RABGAP1L: variants seen among roughly 807,000 people sequenced by gnomAD.
The protein encoded by RABGAP1L is RAB GTPase activating protein 1 like.
Under a neutral mutation model 137.7 loss-of-function variants are expected in RABGAP1L, and 63 were observed. That is an observed-to-expected ratio of 0.46 (90% confidence interval 0.37 to 0.56). The LOEUF (loss-of-function observed/expected upper bound fraction) is 0.56. RABGAP1L is among the 20% of genes least tolerant of loss of function. RABGAP1L has a pLI of 0.00. For synonymous variants in RABGAP1L, 431 were observed against 433.7 expected (o/e 0.99, Z 0.08); for missense variants, 1,095 against 1,244.0 (o/e 0.88, Z 1.80).
chr1:174,645,796 A>G (rs1045210379), intron 14 of RABGAP1L, among the ~76,000 whole-genome samples: 1 of 151,594 alleles, frequency 6.6e-6, no homozygotes, highest in African/African-American at 2.4e-5. Context: ...ATCTTCCACA[A>G]TGGTTGAACT....
At chr1:174,308,903 T>G (rs1322554111) in intron 11 of RABGAP1L, among the ~76,000 whole-genome samples, 1 of 152,072 alleles carries the variant, frequency 6.6e-6, no homozygotes, top group Non-Finnish European at 1.5e-5. Context: ...TTTCTATTAC[T>G]GTGAAGAATG....
At position 174,937,626 on chromosome 1, in the gene RABGAP1L, A is replaced by ATATATATATATATG. The variant is rs1016236065; in HGVS notation, c.2341-19822_2341-19821insATATGTATATATAT. On this transcript the variant is annotated intron_variant, in intron 19 of 25. Coordinates refer to ENST00000681986, the MANE Select transcript of RABGAP1L (RefSeq NM_001366446.1). Reference sequence around the variant, plus strand: ...AATAGCAATACTTCATTAAATATATATATATATATCTTGCAGTTAGAAACT... The same window carrying ATATATATATATATG: ...AATAGCAATACTTCATTAAATATATATATATATATATATGTATATATATCTTGCAGTTAGAAACT... Among the ~76,000 whole-genome samples the ATATATATATATATG allele has an allele frequency of 3.7e-5, 5 of 134,960 alleles. 2 individuals are homozygous for ATATATATATATATG. Among genetic ancestry groups the ATATATATATATATG allele is most frequent in the African/African-American group, 1.6e-4 (5 of 31,678 alleles). The allele number at this position is 134,960 out of a possible 152,430, so 88.5% of individuals were successfully genotyped here. A position where few individuals can be genotyped will look rare whatever the true frequency, so the allele number is the denominator to read the frequency against.
Position 174,313,801 on chromosome 1 carries a change from C to T in RABGAP1L, c.1465+8674C>T, listed in dbSNP as rs905991494. ...GTTTTTTTCCTTCATTCTGTTGATA[C>T]GATGTATCACATTGATAGATTTGAA... On this transcript the variant is annotated intron_variant, in intron 11 of 25. Coordinates refer to ENST00000681986, the MANE Select transcript of RABGAP1L (RefSeq NM_001366446.1). Among the ~76,000 whole-genome samples the T allele has an allele frequency of 5.3e-5, 8 of 151,932 alleles. No homozygotes were observed. In the South Asian group the frequency reaches 1.0e-3, roughly 20 times the overall value.
chr1:174,636,730 C>G (rs532732630), intron 13 of RABGAP1L, among the ~76,000 whole-genome samples: 84 of 152,122 alleles, frequency 5.5e-4, no homozygotes, highest in African/African-American at 1.9e-3. Flanking sequence ...ACATACTCTA[C>G]TATTGTTTGG....
chr1:174,516,413 C>T (rs1662858112), intron 13 of RABGAP1L, among the ~76,000 whole-genome samples: 1 of 152,084 alleles, frequency 6.6e-6, no homozygotes, highest in African/African-American at 2.4e-5. Context: ...AGATGGGGGT[C>T]TTCCTATGTT....
chr1:174,662,261 G>A (rs1024993435), intron 14 of RABGAP1L, among the ~76,000 whole-genome samples: 6 of 151,690 alleles, frequency 4.0e-5, no homozygotes, highest in Admixed American at 6.6e-5. Context: ...GTACCACCAC[G>A]CCCAACTAAT....
chr1:174,920,365 C>T (rs1661593660), intron 19 of RABGAP1L, among the ~76,000 whole-genome samples: 1 of 152,140 alleles, frequency 6.6e-6, no homozygotes. Context: ...ATTTTTAAAA[C>T]CATTAGAACT....
At chr1:174,608,373 C>A (rs540587949) in intron 13 of RABGAP1L, among the ~76,000 whole-genome samples, 5 of 152,254 alleles carry the variant, frequency 3.3e-5, no homozygotes, top group African/African-American at 1.2e-4. Context: ...AGGAGCTTAT[C>A]TTTCAGTTAG....
intron 18 of RABGAP1L, among the ~76,000 whole-genome samples, chr1:174,755,353 G>A (rs1051689849): frequency 3.3e-5 from 5 of 152,190 alleles, no homozygotes; most frequent in African/African-American, 4.8e-5. Context: ...TTACTTATAT[G>A]AAACATTAGG....
intron 18 of RABGAP1L, chr1:174,800,356 A>T: frequency 6.4e-7 from 1 of 1,550,510 alleles, no homozygotes; most frequent in African/African-American, 1.4e-5. Context: ...TGCCCTGCCC[A>T]GCCCCAGCTG....
At chr1:174,732,194 TCCCC>T (rs570408358) in intron 17 of RABGAP1L, among the ~76,000 whole-genome samples, 2 of 102,856 alleles carry the variant, frequency 1.9e-5, no homozygotes, top group Admixed American at 9.2e-5. Flanking sequence ...TGAGACCCCA[TCCCC>T]CCCAAAAAAA....
In RABGAP1L at chr1:174,241,641, G is replaced by A; in HGVS notation, c.701G>A (p.Cys234Tyr). 6.2e-7 allele frequency: 1 copy of A among 1,612,366 alleles called. No homozygotes were observed. The highest frequency in any genetic ancestry group is 1.1e-5 in the South Asian group (1 of 90,718). The change falls in exon 5 of 26, where the codon TGT (cysteine) becomes TAT (tyrosine). Residue 234 changes from cysteine (C) to tyrosine (Y), a missense_variant. Cys to Tyr is a radical substitution (Grantham distance 194). Around this residue, in one of 4 missense-constraint regions of RABGAP1L, gnomAD observed 356 missense variants for 326.3 expected, o/e 1.09. Transcript: ENST00000681986. ...SEEFQIHVFSCEIKEAVSRIL... is the reference protein window; with the variant it reads ...SEEFQIHVFSYEIKEAVSRIL... ...GAATTTCAGATACATGTTTTCTCCT[G>A]TGAAATTAAAGAGGCAGTAAGTATA...
chr1:174,820,679 G>A (rs753353876), intron 19 of RABGAP1L, among the ~76,000 whole-genome samples: 23 of 152,114 alleles, frequency 1.5e-4, no homozygotes, highest in South Asian at 1.2e-3. Context: ...AAGATAAAAA[G>A]CATCTTTTTC....
At chr1:174,608,300 G>A (rs928382876) in intron 13 of RABGAP1L, among the ~76,000 whole-genome samples, 1 of 151,798 alleles carries the variant, frequency 6.6e-6, no homozygotes, top group African/African-American at 2.4e-5. Flanking sequence ...ACAAATATTT[G>A]TTCAGCCCCT....
At chr1:174,432,712 A>G (rs746767228) in intron 13 of RABGAP1L, among the ~76,000 whole-genome samples, 26 of 151,780 alleles carry the variant, frequency 1.7e-4, no homozygotes, top group Non-Finnish European at 1.5e-4. Context: ...TAATTTTTGT[A>G]TTTTCAGTAG....
intron 13 of RABGAP1L, among the ~76,000 whole-genome samples, chr1:174,581,058 A>T (rs1243321381): frequency 6.6e-6 from 1 of 152,170 alleles, no homozygotes; most frequent in Non-Finnish European, 1.5e-5. Flanking sequence ...TGGGACCCTT[A>T]TACACTGCTG....
At chr1:174,255,548 A>G (rs539422752) in intron 7 of RABGAP1L, among the ~76,000 whole-genome samples, 1 of 152,206 alleles carries the variant, frequency 6.6e-6, no homozygotes, top group East Asian at 1.9e-4. Context: ...TTTTTGAGAC[A>G]AAGTCTCGCT....
chr1:174,348,326 T>G (rs1052097971), intron 11 of RABGAP1L, among the ~76,000 whole-genome samples: 1 of 146,818 alleles, frequency 6.8e-6, no homozygotes, highest in Non-Finnish European at 1.5e-5. Flanking sequence ...TAGCAAAAAC[T>G]GTGATTACTT....
At chr1:174,829,468 C>G (rs1487504230) in intron 19 of RABGAP1L, among the ~76,000 whole-genome samples, 1 of 148,374 alleles carries the variant, frequency 6.7e-6, no homozygotes, top group Admixed American at 6.7e-5. Flanking sequence ...GATAGAAGGT[C>G]ATCATTCTTC....
Sources: allele counts gnomAD v4.1 joint callset (sites outside exome capture counted in the v4.1 genomes callset), GRCh38; gene constraint gnomAD v4.1.1; regional missense constraint gnomAD v4.1.1; transcripts MANE v1.5; gene names NCBI Gene and HGNC (gene_info 2026-07-23, HGNC 2026-07-21).